Variants in FARP2 observed in about 807,000 individuals in gnomAD.
FARP2 encodes FERM, ARHGEF and pleckstrin domain-containing protein 2.
Under a neutral mutation model 130.5 loss-of-function variants are expected in FARP2, and 111 were observed. The observed-to-expected ratio is 0.85, with a 90% CI of 0.73 to 1.00. The LOEUF is 1.00. Among genes scored for constraint, FARP2 ranks in the 50% least tolerant of loss-of-function variants. FARP2 has a pLI of 0.00. For missense variants in FARP2, 1,385 were observed against 1,346.3 expected, an observed-to-expected ratio of 1.03 and a Z score of -0.45; for synonymous variants, 504 against 516.9, an observed-to-expected ratio of 0.98 and a Z score of 0.34.
chr2:241,395,752 G>A (rs912938070), intron 2 of FARP2: 1 of 152,052 alleles, frequency 6.6e-6, no homozygotes, highest in Non-Finnish European at 1.5e-5. Context: ...TGCCTACTAT[G>A]TGGGGGGAAA....
At chr2:241,422,039 G>C (rs2062821107) in intron 8 of FARP2, among the ~76,000 whole-genome samples, 1 of 152,006 alleles carries the variant, frequency 6.6e-6, no homozygotes, top group Non-Finnish European at 1.5e-5. Flanking sequence ...AGCTATTTAG[G>C]AGGCTGAGAC....
intron 11 of FARP2, 73 bp from the exon 12 acceptor site, chr2:241,436,408 T>C (rs2063231236): frequency 7.5e-7 from 1 of 1,339,004 alleles, no homozygotes; most frequent in South Asian, 1.2e-5. Context: ...ATACAGTACA[T>C]GCTTGCTGCT....
chr2:241,454,943 G>C (rs2063791504), intron 13 of FARP2, among the ~76,000 whole-genome samples: 1 of 152,142 alleles, frequency 6.6e-6, no homozygotes, highest in Non-Finnish European at 1.5e-5. Flanking sequence ...CAGGGCTCCT[G>C]ATTTGTCAAT....
At position 241,494,132 on chromosome 2, in the gene FARP2, A is replaced by G. The variant is rs769053492; in HGVS notation, c.*7A>G. 1.4e-6 allele frequency: 2 copies of G among 1,459,004 alleles called. No homozygotes were observed. The highest frequency in any genetic ancestry group is 9.1e-7 in the Non-Finnish European group (1 of 1,104,032). 90.4% of individuals were successfully genotyped at this position (1,459,004 alleles called of 1,614,324 possible). A position where few individuals can be genotyped will look rare whatever the true frequency, so the allele number is the denominator to read the frequency against. On this transcript the variant is annotated 3_prime_UTR_variant, in exon 27 of 27. Coordinates refer to ENST00000264042, the MANE Select transcript of FARP2 (RefSeq NM_014808.4). The surrounding 1 kb of genome is among the most constrained non-coding windows in gnomAD (Gnocchi z 4.9). ...CAGGGGGAAGGAGGAATGACGCTCA[A>G]CCTGCCCAGGTTTGGACACAACTAC...
At chr2:241,458,622 C>CTT (rs2063929626) in intron 14 of FARP2, among the ~76,000 whole-genome samples, 1 of 151,674 alleles carries the variant, frequency 6.6e-6, no homozygotes, top group Non-Finnish European at 1.5e-5. Flanking sequence ...AAAAAGATGT[C>CTT]TTTTTATTTT....
At chr2:241,364,587 G>A (rs1472566325) in intron 1 of FARP2, among the ~76,000 whole-genome samples, 1 of 152,154 alleles carries the variant, frequency 6.6e-6, no homozygotes, top group African/African-American at 2.4e-5. Context: ...AATAGTCCAA[G>A]AAGTAAAGCT....
In FARP2 at chr2:241,382,790, C is replaced by T. The variant is rs916934381; in HGVS notation, c.183+9500C>T. On this transcript the variant is annotated intron_variant, in intron 2 of 26. Transcript: ENST00000264042. ...TCACCTTTATGGACATTTCATATTA[C>T]AATTTTTAGTAACATCTCCTGTTTA... Among the ~76,000 whole-genome samples the T allele has an allele frequency of 2.6e-5, 4 of 152,166 alleles. 1 individual carries two copies. The highest frequency in any genetic ancestry group is 5.9e-5 in the Non-Finnish European group (4 of 68,038).
At chr2:241,478,999 A>G in intron 19 of FARP2, 1 of 494,446 alleles carries the variant, frequency 2.0e-6, no homozygotes, top group Middle Eastern at 3.1e-4. Context: ...TGTGAGGGAC[A>G]CAGTATTGAC....
chr2:241,437,670 A>ATTTTTTTTTTTTTTTTTTTTT (rs763025047), intron 12 of FARP2, among the ~76,000 whole-genome samples: 1 of 133,112 alleles, frequency 7.5e-6, no homozygotes, highest in Admixed American at 9.2e-5. Flanking sequence ...TTATTTATTT[A>ATTTTTTTTTTTTTTTTTTTTT]TTTTTTTTTT....
intron 21 of FARP2, among the ~76,000 whole-genome samples, chr2:241,486,877 C>T (rs893258838): frequency 2.6e-5 from 4 of 152,220 alleles, no homozygotes; most frequent in African/African-American, 4.8e-5. Context: ...ATCTTTCCCT[C>T]CACCATGGAA....
At chr2:241,426,398 G>A (rs770154955) in intron 8 of FARP2, among the ~76,000 whole-genome samples, 1 of 152,196 alleles carries the variant, frequency 6.6e-6, no homozygotes, top group Non-Finnish European at 1.5e-5. Flanking sequence ...TGTGAGCAAT[G>A]CTTACATGAC....
chr2:241,417,128 C>T (rs1026706822), intron 7 of FARP2, among the ~76,000 whole-genome samples: 28 of 151,928 alleles, frequency 1.8e-4, no homozygotes, highest in Middle Eastern at 3.4e-3. Flanking sequence ...TGGCAAACCC[C>T]GTCTCTACTA....
intron 21 of FARP2, among the ~76,000 whole-genome samples, chr2:241,487,987 A>T (rs548644297): frequency 2.3e-4 from 35 of 151,924 alleles, no homozygotes; most frequent in Middle Eastern, 3.4e-3. Flanking sequence ...TGACCTCGTG[A>T]TCCACCCGCC....
chr2:241,453,675 A>C (rs1339294868), intron 13 of FARP2, among the ~76,000 whole-genome samples: 1 of 150,888 alleles, frequency 6.6e-6, no homozygotes, highest in Non-Finnish European at 1.5e-5. Context: ...TAACCTCCGT[A>C]GGACCAAAAA....
chr2:241,408,619 T>C, intron 5 of FARP2, among the ~76,000 whole-genome samples: 1 of 152,154 alleles, frequency 6.6e-6, no homozygotes, highest in Admixed American at 6.5e-5. Context: ...TTTGTATTTT[T>C]TGTATTTGTT....
At chr2:241,363,036 A>G (rs2061224880) in intron 1 of FARP2, among the ~76,000 whole-genome samples, 1 of 152,242 alleles carries the variant, frequency 6.6e-6, no homozygotes, top group South Asian at 2.1e-4. Flanking sequence ...GAGGACTCCG[A>G]CAAGTAAACG....
intron 25 of FARP2, 52 bp from the exon 26 acceptor site, chr2:241,493,241 T>C (rs1307721671): frequency 6.3e-7 from 1 of 1,592,444 alleles, no homozygotes; most frequent in African/African-American, 1.3e-5. Flanking sequence ...GGAATGGGCA[T>C]TCCCTGTGGC....
At chr2:241,451,133 T>C (rs2063647137) in intron 13 of FARP2, among the ~76,000 whole-genome samples, 1 of 151,964 alleles carries the variant, frequency 6.6e-6, no homozygotes, top group Non-Finnish European at 1.5e-5. Flanking sequence ...TTTTTGATAA[T>C]TTTATTAATT....
At chr2:241,431,019 A>T (rs1272475210) in intron 8 of FARP2, among the ~76,000 whole-genome samples, 1 of 151,840 alleles carries the variant, frequency 6.6e-6, no homozygotes, top group Non-Finnish European at 1.5e-5. Context: ...AAAGAAAAAA[A>T]GTGCAAATCT....
Sources: allele counts gnomAD v4.1 joint callset (sites outside exome capture counted in the v4.1 genomes callset), GRCh38; gene constraint gnomAD v4.1.1; non-coding constraint Gnocchi (gnomAD v3.1); transcripts MANE v1.5; gene names NCBI Gene and HGNC (gene_info 2026-07-23, HGNC 2026-07-21).